The following LRCH1 variants were observed in gnomAD, a reference collection of about 807,000 sequenced individuals.
The protein encoded by LRCH1 is leucine rich repeats and calponin homology domain containing 1.
In LRCH1, 23 loss-of-function variants were observed where a neutral mutation model predicts 94.9. The ratio of observed to expected loss-of-function variants is 0.24; its 90% CI spans 0.17 to 0.34. The LOEUF (loss-of-function observed/expected upper bound fraction) is 0.34. Among genes scored for constraint, LRCH1 ranks in the 10% least tolerant of loss-of-function variants. The pLI, the probability that LRCH1 is intolerant of heterozygous loss-of-function variation, is 1.00. For missense variants in LRCH1, 790 were observed against 945.9 expected, an observed-to-expected ratio of 0.84 and a Z score of 2.16; for synonymous variants, 364 against 354.9, an observed-to-expected ratio of 1.03 and a Z score of -0.29.
At chr13:46,724,470 C>T (rs1872721037) in intron 17 of LRCH1, among the ~76,000 whole-genome samples, 1 of 152,142 alleles carries the variant, frequency 6.6e-6, no homozygotes, top group Non-Finnish European at 1.5e-5. Flanking sequence ...ATAGGCAAAC[C>T]ATTTGAGTTT....
intron 16 of LRCH1, 85 bp downstream of exon 16, chr13:46,715,749 T>C: frequency 1.2e-6 from 1 of 844,950 alleles, no homozygotes; most frequent in Non-Finnish European, 1.9e-6. Flanking sequence ...CAGCTGAAGA[T>C]AGAGTATATT....
intron 6 of LRCH1, 133 bp from the exon 7 acceptor site, chr13:46,689,000 T>C (rs1870761019): frequency 1.5e-6 from 1 of 671,420 alleles, no homozygotes; most frequent in African/African-American, 1.8e-5. Flanking sequence ...CTAGACTGAT[T>C]TGTTGCCTTA....
chr13:46,656,842 A>G (rs1431885707), intron 2 of LRCH1, among the ~76,000 whole-genome samples: 1 of 152,264 alleles, frequency 6.6e-6, no homozygotes, highest in Non-Finnish European at 1.5e-5. Context: ...GGCTTTATAA[A>G]GTGTGAATGA....
downstream of LRCH1, among the ~76,000 whole-genome samples, chr13:46,747,545 TG>T (rs1873958708): frequency 6.6e-6 from 1 of 152,226 alleles, no homozygotes. Context: ...GGAATACTCG[TG>T]CTAGAATTCA....
At chr13:46,694,692 AGCTCAGT>A (rs1261069315) in intron 8 of LRCH1, among the ~76,000 whole-genome samples, 194 bp from the exon 9 acceptor site, 1 of 152,188 alleles carries the variant, frequency 6.6e-6, no homozygotes, top group Non-Finnish European at 1.5e-5. Flanking sequence ...TGACTTTTTA[AGCTCAGT>A]TTGGGGCTTT....
chr13:46,730,405 G>C (rs1467668486), intron 18 of LRCH1, among the ~76,000 whole-genome samples: 1 of 152,082 alleles, frequency 6.6e-6, no homozygotes, highest in East Asian at 1.9e-4. Context: ...AAATCTCAGA[G>C]CCCAGTGTGT....
intron 7 of LRCH1, among the ~76,000 whole-genome samples, 176 bp from the exon 8 acceptor site, chr13:46,692,360 T>C (rs1034316274): frequency 8.6e-5 from 13 of 151,456 alleles, no homozygotes; most frequent in Non-Finnish European, 1.6e-4. Context: ...TTAAATACCA[T>C]GGATTAGTTT....
At chr13:46,591,934 GGA>G (rs2050504296) in intron 1 of LRCH1, among the ~76,000 whole-genome samples, 4 of 152,160 alleles carry the variant, frequency 2.6e-5, no homozygotes, top group Non-Finnish European at 5.9e-5. Flanking sequence ...ACTTTGCCGT[GGA>G]CTTGGGTGAA....
intron 16 of LRCH1, among the ~76,000 whole-genome samples, 184 bp from the exon 17 acceptor site, chr13:46,723,033 TACAA>T (rs1872655286): frequency 6.6e-6 from 1 of 152,236 alleles, no homozygotes; most frequent in Non-Finnish European, 1.5e-5. Flanking sequence ...CACAAACTAG[TACAA>T]TTTAAAATAT....
chr13:46,565,812 AAATAATAAT>A (rs3068690), intron 1 of LRCH1, among the ~76,000 whole-genome samples: 1,616 of 140,138 alleles, frequency 0.012, 15 homozygotes, highest in Non-Finnish European at 0.018. Context: ...TCTGTCTCCA[AAATAATAAT>A]AATAATAATA....
At chr13:46,650,173 G>A (rs1310634445) in intron 1 of LRCH1, 28 bp from the exon 2 acceptor site, 1 of 1,552,346 alleles carries the variant, frequency 6.4e-7, no homozygotes, top group South Asian at 1.2e-5. Flanking sequence ...AAATTTTGTT[G>A]AGAAAATATT....
chr13:46,676,665 G>A (rs17068598), intron 3 of LRCH1, among the ~76,000 whole-genome samples: 29,387 of 152,124 alleles, frequency 0.19, 3,299 homozygotes, highest in African/African-American at 0.3. Flanking sequence ...AAACCTAAGT[G>A]TCAGAGCAAG....
chr13:46,750,656 C>T (rs1484288636), exon 19 of LRCH1: 4 of 1,537,076 alleles, frequency 2.6e-6, no homozygotes, highest in Non-Finnish European at 3.5e-6. Flanking sequence ...CATGAAACTA[C>T]CCCTTCTCCA....
chr13:46,725,330 A>G (rs1057171362), intron 17 of LRCH1, among the ~76,000 whole-genome samples: 3 of 152,258 alleles, frequency 2.0e-5, no homozygotes, highest in African/African-American at 7.2e-5. Context: ...AAACCTGTAC[A>G]TGTACCCCTG....
At chr13:46,673,174 C>G (rs1045213349) in intron 3 of LRCH1, among the ~76,000 whole-genome samples, 1 of 152,002 alleles carries the variant, frequency 6.6e-6, no homozygotes, top group African/African-American at 2.4e-5. Flanking sequence ...GTGTATGTAA[C>G]TCTGAAAGTG....
rs544834564 is a variant in LRCH1 at position 46,619,863 on chromosome 13, C to T, written c.308-30338C>T. 2.0e-5 allele frequency among the ~76,000 whole-genome samples: 3 copies of T among 152,040 alleles called. No homozygotes were observed. In the South Asian group the frequency reaches 6.2e-4, roughly 32 times the overall value. On this transcript the variant is annotated intron_variant, in intron 1 of 19. Coordinates refer to ENST00000389797, the MANE Select transcript of LRCH1 (RefSeq NM_001164211.2). ...TTGAAGCATTTCCTCAATTCTATAC[C>T]CACGTTCTCAGTCCTTGTGTTACTA...
chr13:46,573,032 G>A (rs893481444), intron 1 of LRCH1, among the ~76,000 whole-genome samples: 2 of 152,138 alleles, frequency 1.3e-5, no homozygotes, highest in Non-Finnish European at 2.9e-5. Context: ...TGTCACAGAG[G>A]GCTTTGGGGA....
At chr13:46,652,986 T>A (rs539226205) in intron 2 of LRCH1, among the ~76,000 whole-genome samples, 50 of 152,336 alleles carry the variant, frequency 3.3e-4, no homozygotes, top group Admixed American at 5.9e-4. Context: ...TGAGAATAGA[T>A]TATTGCTGTC....
At chr13:46,585,873 G>A (rs2050430061) in intron 1 of LRCH1, among the ~76,000 whole-genome samples, 1 of 149,602 alleles carries the variant, frequency 6.7e-6, no homozygotes, top group Non-Finnish European at 1.5e-5. Context: ...TTAAATCTTT[G>A]TAATTTTTTC....
Sources: allele counts gnomAD v4.1 joint callset (sites outside exome capture counted in the v4.1 genomes callset), GRCh38; gene constraint gnomAD v4.1.1; transcripts MANE v1.5; gene names NCBI Gene and HGNC (gene_info 2026-07-23, HGNC 2026-07-21).